The following ADGRL2 variants were observed in gnomAD, a reference collection of about 807,000 sequenced individuals.
ADGRL2 encodes the protein calcium-independent alpha-latrotoxin receptor 2.
In ADGRL2, 44 loss-of-function variants were observed where a neutral mutation model predicts 157.4. The observed-to-expected ratio is 0.28, with a 90% CI of 0.22 to 0.36. The LOEUF is 0.36. ADGRL2 is among the 10% of genes least tolerant of loss of function. The pLI, the probability that ADGRL2 is intolerant of heterozygous loss-of-function variation, is 1.00. For synonymous variants in ADGRL2, 585 were observed against 624.7 expected, an observed-to-expected ratio of 0.94 and a Z score of 0.95; for missense variants, 1,510 against 1,768.9, an observed-to-expected ratio of 0.85 and a Z score of 2.63.
chr1:81,934,188 A>G (rs1250919450), intron 3 of ADGRL2, among the ~76,000 whole-genome samples: 1 of 152,112 alleles, frequency 6.6e-6, no homozygotes, highest in Non-Finnish European at 1.5e-5. Flanking sequence ...TGTGGTTGGT[A>G]TAAGTAATCA....
intron 3 of ADGRL2, among the ~76,000 whole-genome samples, chr1:81,648,627 T>C (rs1299938446): frequency 2.6e-5 from 4 of 152,152 alleles, no homozygotes; most frequent in Non-Finnish European, 4.4e-5. Context: ...GAAGAGTTCA[T>C]GGGTTCCAAG....
At chr1:81,529,041 A>G (rs1233808708) in intron 2 of ADGRL2, among the ~76,000 whole-genome samples, 2 of 152,142 alleles carry the variant, frequency 1.3e-5, no homozygotes, top group African/African-American at 4.8e-5. Flanking sequence ...AAAAGGTGAA[A>G]AAAGATTTAC....
At chr1:81,516,759 G>A (rs1246628958) in intron 2 of ADGRL2, among the ~76,000 whole-genome samples, 1 of 152,226 alleles carries the variant, frequency 6.6e-6, no homozygotes, top group Non-Finnish European at 1.5e-5. Flanking sequence ...GGAAAGCTAA[G>A]TGGAAAAGTG....
chr1:81,789,765 G>T (rs1411756966), intron 2 of ADGRL2, among the ~76,000 whole-genome samples: 1 of 150,958 alleles, frequency 6.6e-6, no homozygotes, highest in African/African-American at 2.4e-5. Flanking sequence ...CAGCATTTCA[G>T]GTGTCAGCAA....
intron 3 of ADGRL2, among the ~76,000 whole-genome samples, chr1:81,922,574 T>A (rs1238069220): frequency 6.6e-6 from 1 of 152,204 alleles, no homozygotes; most frequent in East Asian, 1.9e-4. Flanking sequence ...ATTCACTTGT[T>A]AATTTTTATC....
At chr1:81,899,492 T>C (rs1476240256) in intron 2 of ADGRL2, among the ~76,000 whole-genome samples, 2 of 152,132 alleles carry the variant, frequency 1.3e-5, no homozygotes, top group Non-Finnish European at 2.9e-5. Context: ...ATTTTATAGC[T>C]TGGGGGGAAA....
chr1:81,487,197 G>A (rs1043416760), intron 2 of ADGRL2, among the ~76,000 whole-genome samples: 9 of 151,972 alleles, frequency 5.9e-5, no homozygotes, highest in Non-Finnish European at 1.0e-4. Context: ...AAGCCCAGGA[G>A]GTAGAGGCTG....
In ADGRL2 at chr1:81,474,609, C is replaced by G. The variant is rs542303727; in HGVS notation, c.-248+29520C>G. Reference sequence around the variant, plus strand: ...GGATTGCTGGTCAGTTCAGCAAATGCAGTCCATTTTAGAAATTATAGAGTA... The same window carrying G: ...GGATTGCTGGTCAGTTCAGCAAATGGAGTCCATTTTAGAAATTATAGAGTA... On this transcript the variant is annotated intron_variant, in intron 2 of 24. Coordinates refer to the ADGRL2 transcript ENST00000370721. Among the ~76,000 whole-genome samples, 722 of 152,280 alleles carry G rather than the reference C, an allele frequency of 4.7e-3. 4 individuals are homozygous for G. The highest frequency in any genetic ancestry group is 8.6e-3 in the Non-Finnish European group (586 of 68,032).
chr1:81,793,876 C>A (rs1207833226), intron 2 of ADGRL2, among the ~76,000 whole-genome samples: 1 of 151,954 alleles, frequency 6.6e-6, no homozygotes, highest in African/African-American at 2.4e-5. Flanking sequence ...TTTTCAGATT[C>A]TTTATTTGAT....
chr1:81,477,287 A>G (rs2078292835), intron 2 of ADGRL2, among the ~76,000 whole-genome samples: 1 of 152,228 alleles, frequency 6.6e-6, no homozygotes, highest in African/African-American at 2.4e-5. Flanking sequence ...CATATCGTAA[A>G]GCCAGAATTA....
At chr1:81,418,423 C>T (rs1317047848) in intron 1 of ADGRL2, among the ~76,000 whole-genome samples, 1 of 152,148 alleles carries the variant, frequency 6.6e-6, no homozygotes, top group Non-Finnish European at 1.5e-5. Flanking sequence ...ATAGAAATCT[C>T]ACCTATCTGT....
At chr1:81,490,474 TAA>T (rs2078608389) in intron 2 of ADGRL2, among the ~76,000 whole-genome samples, 1 of 152,094 alleles carries the variant, frequency 6.6e-6, no homozygotes, top group South Asian at 2.1e-4. Flanking sequence ...GGAAGCAGCC[TAA>T]TAGAAAAATG....
chr1:81,981,859 G>A lies in ADGRL2; in HGVS notation c.3165G>A (p.Trp1055Ter). 1 of 1,612,298 alleles carries A rather than the reference G, an allele frequency of 6.2e-7. No individual in the cohort carries two copies. Among genetic ancestry groups the A allele is most frequent in the South Asian group, 1.1e-5 (1 of 90,996 alleles). ...TTCTGTGTCTTCTTGGCCTCACCTG[G>A]TCCTTTGGGTTGCTTTTTATTAATG... The part of the protein sequence containing the change: ...FALLCLLGLT[W>*]SFGLLFINEE... The change falls in exon 19 of 24, where the codon TGG becomes TGA. Residue 1055 changes from tryptophan to a stop codon, truncating the protein, a stop_gained. Coordinates refer to ENST00000686636, the MANE Select transcript of ADGRL2 (RefSeq NM_001366006.2). LOFTEE classifies it high-confidence loss of function.
intron 2 of ADGRL2, among the ~76,000 whole-genome samples, chr1:81,476,686 T>C (rs72715562): frequency 6.6e-6 from 1 of 152,342 alleles, no homozygotes; most frequent in Non-Finnish European, 1.5e-5. Context: ...AGTGTCCAAT[T>C]TCTAGTACAT....
rs1427616761 is a variant in ADGRL2, at chr1:81,839,918, TATATATGATGGAATATATATATATA to T, written c.73+2868_73+2892del. Reference sequence around the variant, plus strand: ...ATATATATATATATTTTCCATCATATATATATGATGGAATATATATATATAATATATATATAAATACACACAACAC... The same window carrying T: ...ATATATATATATATTTTCCATCATATATATATATATAAATACACACAACAC... On this transcript the variant is annotated intron_variant, in intron 2 of 23. Transcript: ENST00000686636. 1.9e-3 allele frequency among the ~76,000 whole-genome samples: 246 copies of T among 128,818 alleles called. 4 individuals carry two copies. The highest frequency in any genetic ancestry group is 7.1e-3 in the African/African-American group (237 of 33,372). 84.5% of individuals were successfully genotyped at this position (128,818 alleles called of 152,430 possible).
intron 1 of ADGRL2, among the ~76,000 whole-genome samples, chr1:81,398,813 C>A (rs1227661501): frequency 6.6e-6 from 1 of 151,990 alleles, no homozygotes; most frequent in Non-Finnish European, 1.5e-5. Flanking sequence ...ACACTTTTTT[C>A]TTACTGTTTT....
chr1:81,891,480 G>A (rs1439297828), intron 2 of ADGRL2, among the ~76,000 whole-genome samples: 1 of 152,020 alleles, frequency 6.6e-6, no homozygotes, highest in African/African-American at 2.4e-5. Context: ...TTTTAAAACA[G>A]CCATACAAAC....
chr1:81,572,891 A>G (rs1176076730), intron 2 of ADGRL2, among the ~76,000 whole-genome samples: 1 of 151,266 alleles, frequency 6.6e-6, no homozygotes, highest in East Asian at 1.9e-4. Context: ...TATGCTTTTT[A>G]AAGAAAGTGT....
intron 11 of ADGRL2, among the ~76,000 whole-genome samples, chr1:81,959,116 A>G (rs372310279): frequency 6.6e-6 from 1 of 152,106 alleles, no homozygotes; most frequent in Non-Finnish European, 1.5e-5. Context: ...TACCATATTA[A>G]ACTTGAACTG....
Sources: gnomAD v4.1 joint callset for allele counts (sites outside exome capture counted in the v4.1 genomes callset) on GRCh38, gnomAD v4.1.1 for gene constraint, MANE v1.5 for transcripts, NCBI Gene and HGNC (gene_info 2026-07-23, HGNC 2026-07-21) for gene names.